The following MAGI2 variants were observed in gnomAD, a reference collection of about 807,000 sequenced individuals.
MAGI2 encodes membrane-associated guanylate kinase, WW and PDZ domain-containing protein 2.
A neutral mutation model predicts 133.3 loss-of-function variants in MAGI2; 35 were observed. That is an observed-to-expected ratio of 0.26 (90% CI 0.20 to 0.35). The LOEUF is 0.35. Ranked by LOEUF, MAGI2 falls within the 10% of genes least tolerant of loss-of-function variation. MAGI2 has a pLI of 1.00. For missense variants in MAGI2, 1,636 were observed against 1,863.4 expected (o/e 0.88, Z 2.25); for synonymous variants, 729 against 710.6 (o/e 1.03, Z -0.41).
At chr7:78,156,118 T>C (rs1436138157) in intron 16 of MAGI2, among the ~76,000 whole-genome samples, 1 of 152,216 alleles carries the variant, frequency 6.6e-6, no homozygotes. Context: ...CCATTACTTT[T>C]ATAGCTTATT....
chr7:78,344,100 G>A lies in MAGI2; in HGVS notation c.1226-140C>T, dbSNP rs182163925. 3.9e-5 allele frequency: 25 copies of A among 645,456 alleles called. No individual in the cohort carries two copies. In the East Asian group the frequency reaches 7.7e-4, roughly 20 times the overall value. 40.0% of individuals were successfully genotyped at this position (645,456 alleles called of 1,614,324 possible). ...TATACAGCAAATGCAAGCAGGTGGT[G>A]ACTGCAAGAGGAGCAAAACTATTAG... On this transcript the variant is annotated intron_variant, in intron 8 of 21. Transcript: ENST00000354212.
intron 9 of MAGI2, among the ~76,000 whole-genome samples, chr7:78,343,183 G>C (rs1226997771): frequency 6.6e-6 from 1 of 151,958 alleles, no homozygotes; most frequent in African/African-American, 2.4e-5. Flanking sequence ...ATATGTTTCT[G>C]TCCTTAGCAA....
chr7:78,492,647 C>T (rs574817187), intron 5 of MAGI2, among the ~76,000 whole-genome samples: 9 of 152,198 alleles, frequency 5.9e-5, no homozygotes, highest in South Asian at 2.1e-4. Context: ...CCACATTCTG[C>T]GTACTATCTT....
Position 79,453,478 on chromosome 7 carries a change from A to C in MAGI2, c.-158T>G, listed in dbSNP as rs1586044562. ...GGTGCTTTCCCTCTTCTTTGGATGG[A>C]GTGTGGACGAGGAATGGGGAGGATG... is the stretch of plus-strand genomic sequence containing the variant. On this transcript the variant is annotated 5_prime_UTR_variant, in exon 1 of 22. Coordinates refer to ENST00000354212, the MANE Select transcript of MAGI2 (RefSeq NM_012301.4). The C allele has an allele frequency of 6.9e-7, 1 of 1,440,046 alleles. No homozygotes were observed. Among genetic ancestry groups the C allele is most frequent in the Non-Finnish European group, 9.1e-7 (1 of 1,103,138 alleles). The allele number at this position is 1,440,046 out of a possible 1,614,324, so 89.2% of individuals were successfully genotyped here.
chr7:78,348,675 C>T (rs930007237), intron 7 of MAGI2, among the ~76,000 whole-genome samples: 1 of 152,160 alleles, frequency 6.6e-6, no homozygotes, highest in African/African-American at 2.4e-5. Context: ...AATCCAATTA[C>T]ATTCTTTAAG....
At chr7:78,903,961 T>A (rs1462729607) in intron 2 of MAGI2, 4 of 152,218 alleles carry the variant, frequency 2.6e-5, no homozygotes, top group African/African-American at 7.2e-5. Flanking sequence ...CAGAAATAAA[T>A]CCTCTGTCAT....
At position 78,461,916 on chromosome 7, in the gene MAGI2, CAAAAAAAAAAAAAAAAA is replaced by C. The variant is rs55811983; in HGVS notation, c.1045+27828_1045+27844del. Among the ~76,000 whole-genome samples the C allele has an allele frequency of 2.6e-3, 78 of 30,548 alleles. 2 individuals carry two copies. Among genetic ancestry groups the C allele is most frequent in the South Asian group, 5.1e-3 (3 of 584 alleles). 20.0% of individuals were successfully genotyped at this position (30,548 alleles called of 152,430 possible). On this transcript the variant is annotated intron_variant, in intron 6 of 21. Coordinates refer to ENST00000354212, the MANE Select transcript of MAGI2 (RefSeq NM_012301.4). ...ACAAGAGCAAAGCAAAATTCCGTCT[CAAAAAAAAAAAAAAAAA>C]AAAAAAAAAAAAAAGAAAGAAAGAA...
At chr7:78,076,670 C>T (rs1815338208) in intron 21 of MAGI2, among the ~76,000 whole-genome samples, 1 of 148,808 alleles carries the variant, frequency 6.7e-6, no homozygotes, top group Non-Finnish European at 1.5e-5. Context: ...CAAGGTGAAA[C>T]CCCGTCTCTA....
At chr7:78,349,408 G>A (rs561310894) in intron 7 of MAGI2, among the ~76,000 whole-genome samples, 7 of 152,048 alleles carry the variant, frequency 4.6e-5, no homozygotes, top group African/African-American at 9.7e-5. Context: ...GTCATTGTTC[G>A]TCATATGCAT....
intron 3 of MAGI2, among the ~76,000 whole-genome samples, chr7:78,604,695 T>C (rs766136185): frequency 2.0e-5 from 3 of 152,150 alleles, no homozygotes; most frequent in Non-Finnish European, 4.4e-5. Context: ...AGGAGAAAAA[T>C]GAAGCAGGAA....
chr7:79,282,969 C>G (rs1835765306), intron 1 of MAGI2, among the ~76,000 whole-genome samples: 1 of 152,112 alleles, frequency 6.6e-6, no homozygotes, highest in Non-Finnish European at 1.5e-5. Context: ...TTACTGCACT[C>G]TAAGAGGCAT....
chr7:78,770,519 A>T (rs1825476410), intron 2 of MAGI2, among the ~76,000 whole-genome samples: 1 of 152,212 alleles, frequency 6.6e-6, no homozygotes, highest in African/African-American at 2.4e-5. Flanking sequence ...CAATAACCTA[A>T]TCATGCATTT....
At chr7:78,121,000 C>CAAAAAAAAAAAAA (rs67572219) in intron 20 of MAGI2, among the ~76,000 whole-genome samples, 1 of 75,194 alleles carries the variant, frequency 1.3e-5, no homozygotes, top group Non-Finnish European at 2.4e-5. Context: ...GACTCCGTCT[C>CAAAAAAAAAAAAA]AAAAAAAAAA....
chr7:78,617,452 T>C (rs1807229371), intron 3 of MAGI2: 1 of 152,120 alleles, frequency 6.6e-6, no homozygotes, highest in Admixed American at 6.6e-5. Flanking sequence ...TACATATAGA[T>C]ACAACCTATA....
At chr7:79,097,167 G>T (rs949484139) in intron 1 of MAGI2, among the ~76,000 whole-genome samples, 3 of 152,108 alleles carry the variant, frequency 2.0e-5, no homozygotes, top group Non-Finnish European at 4.4e-5. Context: ...AATCCTCAAA[G>T]TCTCCTTATG....
chr7:79,314,398 C>T (rs954059626), intron 1 of MAGI2, among the ~76,000 whole-genome samples: 23 of 152,170 alleles, frequency 1.5e-4, no homozygotes, highest in Non-Finnish European at 2.9e-4. Flanking sequence ...AATAAGCCAC[C>T]GTGCCTGGCC....
intron 2 of MAGI2, among the ~76,000 whole-genome samples, chr7:78,658,303 G>A (rs1460595710): frequency 2.6e-5 from 4 of 152,068 alleles, no homozygotes. Flanking sequence ...AAACGACTTT[G>A]GCCTTAACCT....
At chr7:78,457,275 GA>G (rs1371986785) in intron 6 of MAGI2, among the ~76,000 whole-genome samples, 3 of 152,192 alleles carry the variant, frequency 2.0e-5, no homozygotes, top group African/African-American at 7.2e-5. Context: ...AGACCATGAT[GA>G]AAAGTTTTCT....
intron 4 of MAGI2, among the ~76,000 whole-genome samples, chr7:78,516,808 G>A (rs548706878): frequency 1.2e-3 from 189 of 152,292 alleles, no homozygotes; most frequent in Non-Finnish European, 2.1e-3. Context: ...ATATTTCGAA[G>A]GCAAGGATGG....
Sources: gnomAD v4.1 joint callset for allele counts (sites outside exome capture counted in the v4.1 genomes callset) on GRCh38, gnomAD v4.1.1 for gene constraint, MANE v1.5 for transcripts, NCBI Gene and HGNC (gene_info 2026-07-23, HGNC 2026-07-21) for gene names.